RAI14: variants seen among roughly 807,000 people sequenced by gnomAD.
RAI14 encodes the protein retinoic acid induced 14.
RAI14 carries 45 observed loss-of-function variants against 115.4 expected under a neutral mutation model. That is an observed-to-expected ratio of 0.39 (90% CI 0.31 to 0.50). RAI14 has a LOEUF of 0.50. Ranked by LOEUF, RAI14 falls within the 20% of genes least tolerant of loss-of-function variation. RAI14 has a pLI of 0.85. For missense variants in RAI14, 939 were observed against 1,131.2 expected, an observed-to-expected ratio of 0.83 and a Z score of 2.44; for synonymous variants, 371 against 415.4, an observed-to-expected ratio of 0.89 and a Z score of 1.30.
chr5:34,824,202 C>A lies in RAI14; in HGVS notation c.2360C>A (p.Ser787Tyr), dbSNP rs771843598. 1.9e-6 allele frequency: 3 copies of A among 1,614,170 alleles called. No individual in the cohort carries two copies. The African/African-American group carries it at 4.0e-5, about 22-fold the overall frequency. The change falls in exon 15 of 18, where the codon TCT (serine) becomes TAT (tyrosine). Residue 787 changes from serine to tyrosine, a missense_variant. By Grantham distance (144) the Ser-to-Tyr change is moderately radical. Coordinates refer to ENST00000265109, the MANE Select transcript of RAI14 (RefSeq NM_015577.3). ...AAMTDAMVPR[S>Y]SYEKLQSSLE... is the part of the protein sequence containing the mutation. Reference sequence around the variant, plus strand: ...ATGACTGATGCAATGGTACCTCGGTCTTCCTATGAAAAACTCCAGTCATCC... The same window carrying A: ...ATGACTGATGCAATGGTACCTCGGTATTCCTATGAAAAACTCCAGTCATCC...
chr5:34,730,182 C>G (rs762670762), intron 2 of RAI14, among the ~76,000 whole-genome samples: 10 of 152,122 alleles, frequency 6.6e-5, no homozygotes, highest in Non-Finnish European at 1.0e-4. Context: ...TAGTTTTCAC[C>G]TATTGTTATC....
At chr5:34,778,580 T>A (rs1751192904) in intron 3 of RAI14, among the ~76,000 whole-genome samples, 1 of 152,066 alleles carries the variant, frequency 6.6e-6, no homozygotes, top group Non-Finnish European at 1.5e-5. Flanking sequence ...AATGTTTTTA[T>A]ACTCTTCGCA....
rs189490652 is a variant in RAI14 at position 34,765,288 on chromosome 5, C to G, written c.167+7690C>G. The stretch of plus-strand genomic sequence containing the variant: ...TTTGGAACTGGGTAACAGGCAGAGG[C>G]TGGAACACTTTGGAGGACTCAGAAG... On this transcript the variant is annotated intron_variant, in intron 3 of 17. Coordinates refer to ENST00000265109, the MANE Select transcript of RAI14 (RefSeq NM_015577.3). Among the ~76,000 whole-genome samples the G allele has an allele frequency of 1.1e-4, 17 of 152,262 alleles. 1 individual carries two copies. The East Asian group carries it at 3.1e-3, about 28-fold the overall frequency.
chr5:34,746,871 A>T (rs1171339756), intron 2 of RAI14, among the ~76,000 whole-genome samples: 1 of 152,182 alleles, frequency 6.6e-6, no homozygotes, highest in Admixed American at 6.5e-5. Flanking sequence ...AAGGTAATTG[A>T]ATCATGGGGG....
chr5:34,813,719 T>C, intron 11 of RAI14, 59 bp downstream of exon 11: 1 of 1,413,506 alleles, frequency 7.1e-7, no homozygotes, highest in African/African-American at 1.4e-5. Context: ...CATAAATTTG[T>C]CATTTTGTTT....
chr5:34,712,444 T>C (rs1044477245), intron 2 of RAI14, among the ~76,000 whole-genome samples: 1 of 152,150 alleles, frequency 6.6e-6, no homozygotes, highest in African/African-American at 2.4e-5. Context: ...AAGGGAGCTT[T>C]CAGTTGACAC....
Position 34,827,431 on chromosome 5 carries a change from G to C in RAI14, c.2799+952G>C, listed in dbSNP as rs1364832043. ...CTTACCACAATATCTGTTAAGGTTT[G>C]AGTTGGCATGGGTACATTCCGTTTT... is the stretch of plus-strand genomic sequence containing the variant. On this transcript the variant is annotated intron_variant, in intron 16 of 17. Transcript: ENST00000265109. This position sits in a 1 kb window ranked among gnomAD's most constrained non-coding sequence, Gnocchi z 4.2. Among the ~76,000 whole-genome samples, 1 of 152,216 alleles carries C rather than the reference G, an allele frequency of 6.6e-6. No homozygotes were observed. The highest frequency in any genetic ancestry group is 1.5e-5 in the Non-Finnish European group (1 of 68,032).
chr5:34,800,237 C>T (rs1046880538), intron 4 of RAI14, among the ~76,000 whole-genome samples: 22 of 152,110 alleles, frequency 1.4e-4, no homozygotes, highest in African/African-American at 5.1e-4. Flanking sequence ...TGCCCTGTGG[C>T]CAGAGCAGTT....
chr5:34,689,262 G>T (rs899611579), intron 2 of RAI14, among the ~76,000 whole-genome samples: 1 of 151,954 alleles, frequency 6.6e-6, no homozygotes, highest in Non-Finnish European at 1.5e-5. Flanking sequence ...AAAATTAGCC[G>T]CCTATGGTGG....
At chr5:34,719,780 A>G (rs1742441099) in intron 2 of RAI14, among the ~76,000 whole-genome samples, 1 of 152,170 alleles carries the variant, frequency 6.6e-6, no homozygotes, top group Non-Finnish European at 1.5e-5. Context: ...TCTGCGCTAT[A>G]TGCTAGGTGG....
At chr5:34,747,327 C>T (rs1746408120) in intron 2 of RAI14, among the ~76,000 whole-genome samples, 1 of 152,204 alleles carries the variant, frequency 6.6e-6, no homozygotes, top group Non-Finnish European at 1.5e-5. Flanking sequence ...TCGCACTGTA[C>T]ATTTTAATTT....
intron 1 of RAI14, among the ~76,000 whole-genome samples, chr5:34,681,783 G>A (rs750464088): frequency 6.6e-6 from 1 of 151,868 alleles, no homozygotes; most frequent in Non-Finnish European, 1.5e-5. Context: ...ACAGATGTGA[G>A]TTGCTGTGCC....
intron 2 of RAI14, among the ~76,000 whole-genome samples, chr5:34,689,807 G>A (rs1156908134): frequency 6.6e-6 from 1 of 152,160 alleles, no homozygotes; most frequent in African/African-American, 2.4e-5. Context: ...AGAAGGCGGA[G>A]GTTGTGGTGA....
intron 2 of RAI14, among the ~76,000 whole-genome samples, chr5:34,690,364 G>C (rs979771170): frequency 6.6e-6 from 1 of 152,182 alleles, no homozygotes; most frequent in Non-Finnish European, 1.5e-5. Flanking sequence ...GATAATAGCA[G>C]ATCAGGTTCT....
chr5:34,751,798 A>T (rs558597241), intron 2 of RAI14, among the ~76,000 whole-genome samples: 35 of 152,316 alleles, frequency 2.3e-4, no homozygotes, highest in African/African-American at 8.4e-4. Flanking sequence ...CTTTTATGGG[A>T]AACAAAATAC....
Position 34,823,536 on chromosome 5 carries a change from A to C in RAI14, c.1694A>C (p.Lys565Thr). 1.2e-6 allele frequency: 2 copies of C among 1,614,158 alleles called. No homozygotes were observed. The highest frequency in any genetic ancestry group is 1.7e-6 in the Non-Finnish European group (2 of 1,180,000). The change falls in exon 15 of 18, where the codon AAA (lysine) becomes ACA (threonine). Residue 565 changes from lysine to threonine, a missense_variant. Coordinates refer to ENST00000265109, the MANE Select transcript of RAI14 (RefSeq NM_015577.3). This position sits in a 1 kb window ranked among gnomAD's most constrained non-coding sequence, Gnocchi z 4.5. ...GAGGAAAAACTGGTAGAGAGGGAGA[A>C]AGGTACAGTGATTAAGCCACCTGTG... ...ELEEKLVERE[K>T]GTVIKPPVEE...
intron 3 of RAI14, among the ~76,000 whole-genome samples, chr5:34,762,240 G>A (rs920024979): frequency 4.6e-5 from 7 of 152,278 alleles, no homozygotes; most frequent in African/African-American, 1.7e-4. Flanking sequence ...TTCTTCTGGT[G>A]AACATCACAA....
chr5:34,822,121 C>T (rs530569736), intron 14 of RAI14, among the ~76,000 whole-genome samples: 64 of 147,838 alleles, frequency 4.3e-4, no homozygotes, highest in Non-Finnish European at 9.3e-4. Context: ...ATAAATAAAA[C>T]AAAATTTATA....
At chr5:34,752,599 C>T (rs937895324) in intron 2 of RAI14, among the ~76,000 whole-genome samples, 9 of 151,852 alleles carry the variant, frequency 5.9e-5, no homozygotes, top group Admixed American at 1.3e-4. Flanking sequence ...TTTCGAAATA[C>T]GCCTTTGCTT....
Sources: gnomAD v4.1 joint callset for allele counts (sites outside exome capture counted in the v4.1 genomes callset) on GRCh38, gnomAD v4.1.1 for gene constraint, Gnocchi (gnomAD v3.1) non-coding constraint, MANE v1.5 for transcripts, NCBI Gene and HGNC (gene_info 2026-07-23, HGNC 2026-07-21) for gene names.